The following FOXP3 variants were observed in gnomAD, a reference collection of about 807,000 sequenced individuals.
The protein encoded by FOXP3 is forkhead box P3.
In FOXP3, 5 loss-of-function variants were observed where a neutral mutation model predicts 31.2. The observed-to-expected ratio is 0.16, with a 90% confidence interval of 0.08 to 0.34. The LOEUF (loss-of-function observed/expected upper bound fraction) is 0.34. FOXP3 is among the 10% of genes least tolerant of loss of function. FOXP3 has a pLI of 1.00. For missense variants in FOXP3, 251 were observed against 363.0 expected (o/e 0.69, Z 2.51); for synonymous variants, 141 against 148.8 (o/e 0.95, Z 0.38).
At chrX:49,260,252 G>T (rs782519555) in intron 1 of FOXP3, among the ~76,000 whole-genome samples, 2 of 111,595 alleles carry the variant, frequency 1.8e-5, no homozygotes, top group Non-Finnish European at 1.9e-5. Flanking sequence ...GAAGCTGGGG[G>T]AGAGGCCTGG....
chrX:49,251,834 C>A, intron 10 of FOXP3, 69 bp from the exon 11 acceptor site: 1 of 1,174,578 alleles, frequency 8.5e-7, no homozygotes, highest in East Asian at 3.0e-5. Flanking sequence ...TATGACCTAC[C>A]CCGAGCCATC....
chrX:49,257,567 T>TG lies in FOXP3; in HGVS notation c.316-3dup. On this transcript the variant is annotated splice_polypyrimidine_tract_variant and splice_region_variant and intron_variant, in intron 3 of 11. Transcript: ENST00000376207. ...GGCGTGGGCATCCACCGTTGAGAGC[T>TG]GGGGGGCACATGTGGGCTGTGGTTC... is the stretch of plus-strand genomic sequence containing the variant. 1 of 1,194,558 alleles carries TG rather than the reference T, an allele frequency of 8.4e-7. No individual in the cohort carries two copies. Among genetic ancestry groups the TG allele is most frequent in the Non-Finnish European group, 1.1e-6 (1 of 883,970 alleles).
intron 9 of FOXP3, 66 bp from the exon 10 acceptor site, chrX:49,253,268 C>A (rs984318975): frequency 3.2e-5 from 31 of 964,251 alleles, no homozygotes; most frequent in Admixed American, 1.2e-4. Flanking sequence ...TGTCCCCTCC[C>A]CCTACAAGGT....
intron 10 of FOXP3, 113 bp downstream of exon 10, chrX:49,253,013 G>T: frequency 1.6e-6 from 1 of 617,953 alleles, no homozygotes; most frequent in Non-Finnish European, 2.6e-6. Flanking sequence ...GCTGGGGCTT[G>T]GGAATGGAGG....
chrX:49,257,942 A>G (rs903198768), intron 2 of FOXP3, among the ~76,000 whole-genome samples, 174 bp from the exon 3 acceptor site: 2 of 112,549 alleles, frequency 1.8e-5, no homozygotes, highest in Non-Finnish European at 3.8e-5. Flanking sequence ...CAAACAGCTA[A>G]TAAGTTGCAG....
Position 49,255,486 on chromosome X carries a change from C to A in FOXP3, c.759G>T (p.Leu253=). ...CAGCCAGGTGGGCCTGCATGGCACT[C>A]AGCTTCTCCTTCTCCAGCACCAGCT... The part of the protein sequence containing the change: ...EQQLVLEKEK[L]SAMQAHLAGK... Residue 253 remains leucine, a synonymous_variant, in exon 8 of 12, where the codon CTG becomes CTT. Coordinates refer to ENST00000376207, the MANE Select transcript of FOXP3 (RefSeq NM_014009.4). 1 of 1,201,218 alleles carries A rather than the reference C, an allele frequency of 8.3e-7. No homozygotes were observed. The highest frequency in any genetic ancestry group is 1.1e-6 in the Non-Finnish European group (1 of 889,778).
Position 49,251,217 on chromosome X carries a change from AACCTCACTTCTT to A in FOXP3, c.*105_*116del. ...GGGCCCTGGCAGGCAAGACAGTGGA[AACCTCACTTCTT>A]GGTCCCTGTGGGCACATCCAGGGCC... On this transcript the variant is annotated 3_prime_UTR_variant, in exon 12 of 12. Transcript: ENST00000376207. The A allele has an allele frequency of 1.1e-6, 1 of 893,926 alleles. No homozygotes were observed. Among genetic ancestry groups the A allele is most frequent in the East Asian group, 3.4e-5 (1 of 29,461 alleles). 73.7% of individuals were successfully genotyped at this position (893,926 alleles called of 1,213,427 possible). A position where few individuals can be genotyped will look rare whatever the true frequency, so the allele number is the denominator to read the frequency against.
In FOXP3 at chrX:49,255,457, T is replaced by C; in HGVS notation, c.788A>G (p.Lys263Arg). 1 of 1,204,584 alleles carries C rather than the reference T, an allele frequency of 8.3e-7. No individual in the cohort carries two copies. The highest frequency in any genetic ancestry group is 1.8e-5 in the South Asian group (1 of 55,405). Residue 263 changes from lysine (K) to arginine (R), a missense_variant, in exon 8 of 12, where the codon AAA becomes AGA. Physicochemically the swap from Lys to Arg is conservative, Grantham distance 26. Around this residue, in one of 4 missense-constraint regions of FOXP3, gnomAD observed 57 missense variants for 60.9 expected, o/e 0.94. Coordinates refer to ENST00000376207, the MANE Select transcript of FOXP3 (RefSeq NM_014009.4). ...LSAMQAHLAG[K>R]MALTKASSVA... The stretch of plus-strand genomic sequence containing the variant: ...AGATGAAGCCTTGGTCAGTGCCATT[T>C]TCCCAGCCAGGTGGGCCTGCATGGC...
intron 10 of FOXP3, 90 bp from the exon 11 acceptor site, chrX:49,251,855 G>A: frequency 1.2e-5 from 14 of 1,161,336 alleles, no homozygotes; most frequent in Non-Finnish European, 1.6e-5. Context: ...TGACATGGGG[G>A]CGGAATTGTA....
Position 49,258,446 on chromosome X carries a change from T to C in FOXP3, c.60A>G (p.Pro20=). Residue 20 remains proline, a synonymous_variant, in exon 2 of 12, where the codon CCA becomes CCG. Coordinates refer to ENST00000376207, the MANE Select transcript of FOXP3 (RefSeq NM_014009.4). The stretch of plus-strand genomic sequence containing the variant: ...CAGCCCTCCAGCTGGGCGAGGCTCC[T>C]GGGGATGGGCCAAGGGCCAAGGAAG... ...SAPSLALGPS[P]GASPSWRAAP... is the part of the protein sequence containing the mutation. 2.5e-6 allele frequency: 3 copies of C among 1,189,477 alleles called. No homozygotes were observed. Among genetic ancestry groups the C allele is most frequent in the Non-Finnish European group, 3.4e-6 (3 of 883,782 alleles).
chrX:49,259,934 C>A (rs2066100233), intron 1 of FOXP3, among the ~76,000 whole-genome samples: 1 of 111,690 alleles, frequency 9.0e-6, no homozygotes, highest in African/African-American at 3.3e-5. Flanking sequence ...CTGAGAGCAG[C>A]CCGGGGGAGT....
chrX:49,252,105 T>A (rs1557115690), intron 10 of FOXP3, among the ~76,000 whole-genome samples: 1 of 107,175 alleles, frequency 9.3e-6, no homozygotes, highest in African/African-American at 3.4e-5. Context: ...GAGGTGACAT[T>A]TCAGGGTTGG....
At chrX:49,263,173 CA>C (rs72024386) in intron 1 of FOXP3, among the ~76,000 whole-genome samples, 4,672 of 58,908 alleles carry the variant, frequency 0.079, 394 homozygotes, top group African/African-American at 0.3. Context: ...ACCAGACAAC[CA>C]AAAAAAAAAA....
intron 8 of FOXP3, among the ~76,000 whole-genome samples, chrX:49,254,853 G>A (rs181490822): frequency 9.0e-6 from 1 of 111,210 alleles, no homozygotes; most frequent in African/African-American, 3.3e-5. Flanking sequence ...AGCTGGTCCT[G>A]CTGGCACACA....
chrX:49,255,610 C>T, intron 7 of FOXP3, 101 bp from the exon 8 acceptor site: 1 of 1,109,817 alleles, frequency 9.0e-7, no homozygotes, highest in Non-Finnish European at 1.2e-6. Context: ...CTCTTCCTTC[C>T]TTTATACCAG....
At chrX:49,255,382 C>A (rs1557116125) in intron 8 of FOXP3, 47 bp downstream of exon 8, 1 of 1,123,546 alleles carries the variant, frequency 8.9e-7, no homozygotes, top group Non-Finnish European at 1.2e-6. Context: ...CTCCTCCCTG[C>A]CCCCCAGCAG....
At chrX:49,261,806 C>T (rs1344214163) in intron 1 of FOXP3, among the ~76,000 whole-genome samples, 1 of 112,012 alleles carries the variant, frequency 8.9e-6, no homozygotes, top group Non-Finnish European at 1.9e-5. Flanking sequence ...AGAGCCAGAA[C>T]CAGGGTCCCA....
At position 49,256,732 on chromosome X, in the gene FOXP3, A is replaced by G. The variant is rs371187277; in HGVS notation, c.647+19T>C. On this transcript the variant is annotated intron_variant, in intron 6 of 11. Transcript: ENST00000376207. ...CACAAGCCAGGGCCGGTAGACTGGC[A>G]CAGGCCTGGGCCACTCACTTGAGGA... The G allele has an allele frequency of 1.7e-6, 2 of 1,180,711 alleles. No individual in the cohort carries two copies. Among genetic ancestry groups the G allele is most frequent in the South Asian group, 1.8e-5 (1 of 56,349 alleles).
intron 10 of FOXP3, 169 bp from the exon 11 acceptor site, chrX:49,251,934 G>T: frequency 1.3e-6 from 1 of 750,593 alleles, no homozygotes; most frequent in Non-Finnish European, 1.6e-6. Context: ...GTTAGAAAAG[G>T]GGTGAAGTGT....
Sources: gnomAD v4.1 joint callset for allele counts (sites outside exome capture counted in the v4.1 genomes callset) on GRCh38, gnomAD v4.1.1 for gene constraint, gnomAD v4.1.1 regional missense constraint, MANE v1.5 for transcripts, NCBI Gene and HGNC (gene_info 2026-07-23, HGNC 2026-07-21) for gene names.